Variants in OPCML observed in about 807,000 individuals in gnomAD.
OPCML encodes the protein opioid-binding protein/cell adhesion molecule.
OPCML carries 13 observed loss-of-function variants against 37.8 expected under a neutral mutation model. The observed-to-expected ratio is 0.34, with a 90% CI of 0.22 to 0.55. The LOEUF (loss-of-function observed/expected upper bound fraction) is 0.55, where lower values mean the gene tolerates loss of function less well. Among genes scored for constraint, OPCML ranks in the 20% least tolerant of loss-of-function variants. The probability of loss-of-function intolerance (pLI) is 0.91; values close to 1 mark genes in which losing one functional copy is unlikely to be tolerated. For synonymous variants in OPCML, 176 were observed against 168.8 expected (o/e 1.04, Z -0.33); for missense variants, 341 against 435.6 (o/e 0.78, Z 1.93).
intron 1 of OPCML, among the ~76,000 whole-genome samples, chr11:133,432,827 C>G (rs1451116584): frequency 6.6e-6 from 1 of 152,102 alleles, no homozygotes; most frequent in African/African-American, 2.4e-5. Flanking sequence ...GAGAGAGACA[C>G]AGCTGTTCGT....
intron 1 of OPCML, among the ~76,000 whole-genome samples, chr11:133,185,709 C>A (rs887236450): frequency 6.6e-6 from 1 of 152,110 alleles, no homozygotes; most frequent in Non-Finnish European, 1.5e-5. Flanking sequence ...ACAAAAAAAA[C>A]AACCGCTCAT....
chr11:132,813,089 TTC>T (rs1236156425), intron 2 of OPCML, among the ~76,000 whole-genome samples: 7 of 152,094 alleles, frequency 4.6e-5, no homozygotes, highest in Admixed American at 4.6e-4. Context: ...TTCAAATAGG[TTC>T]TCTTTTTTAA....
intron 2 of OPCML, among the ~76,000 whole-genome samples, chr11:132,809,123 A>G (rs1939182315): frequency 6.6e-6 from 1 of 152,196 alleles, no homozygotes; most frequent in South Asian, 2.1e-4. Context: ...GGAAAAACAG[A>G]AGCAGCAAAA....
chr11:133,178,918 A>T (rs1232512690), intron 1 of OPCML, among the ~76,000 whole-genome samples: 3 of 152,306 alleles, frequency 2.0e-5, no homozygotes, highest in Non-Finnish European at 4.4e-5. Flanking sequence ...TTTTGGATTT[A>T]TGATTGTTTT....
At chr11:132,836,942 G>A (rs1370077426) in intron 2 of OPCML, among the ~76,000 whole-genome samples, 1 of 152,122 alleles carries the variant, frequency 6.6e-6, no homozygotes, top group African/African-American at 2.4e-5. Context: ...TGCCAAAGGA[G>A]CCACAAGAAA....
intron 1 of OPCML, among the ~76,000 whole-genome samples, chr11:133,055,827 T>C (rs947017047): frequency 3.4e-5 from 5 of 145,266 alleles, no homozygotes; most frequent in African/African-American, 7.8e-5. Flanking sequence ...GTGGTGAGAC[T>C]CCATGAGGGA....
At chr11:132,454,232 G>T (rs929968281) in intron 4 of OPCML, among the ~76,000 whole-genome samples, 2 of 152,118 alleles carry the variant, frequency 1.3e-5, no homozygotes, top group Admixed American at 6.5e-5. Context: ...AGGATGAGAG[G>T]GTCACCTTTA....
intron 1 of OPCML, among the ~76,000 whole-genome samples, chr11:133,369,642 C>T (rs1014696555): frequency 1.1e-4 from 16 of 152,156 alleles, no homozygotes; most frequent in African/African-American, 3.9e-4. Context: ...TCCACAACTC[C>T]ATGCTGCACT....
intron 1 of OPCML, chr11:133,006,927 C>A (rs925955732): frequency 3.0e-6 from 3 of 985,430 alleles, no homozygotes; most frequent in Non-Finnish European, 3.6e-6. Context: ...GTGCTTGTGG[C>A]ATAAGCAGGA....
intron 1 of OPCML, among the ~76,000 whole-genome samples, chr11:133,136,154 T>A (rs1469070876): frequency 1.3e-5 from 2 of 152,072 alleles, no homozygotes; most frequent in Non-Finnish European, 2.9e-5. Flanking sequence ...CTAAGAAAAA[T>A]TAATAATGCA....
intron 4 of OPCML, among the ~76,000 whole-genome samples, chr11:132,528,584 C>T (rs1427316429): frequency 6.6e-6 from 1 of 152,188 alleles, no homozygotes; most frequent in African/African-American, 2.4e-5. Context: ...ATCCTTCTTC[C>T]ACTCAAGGTG....
chr11:133,492,698 C>A (rs1003757386), intron 1 of OPCML, among the ~76,000 whole-genome samples: 1 of 140,278 alleles, frequency 7.1e-6, no homozygotes, highest in Non-Finnish European at 1.5e-5. Context: ...AAGAGCTAAG[C>A]AGGCAATTAC....
chr11:132,977,568 T>A lies in OPCML; in HGVS notation c.62-34558A>T, dbSNP rs1254491997. On this transcript the variant is annotated intron_variant, in intron 1 of 7. Coordinates refer to ENST00000524381, the MANE Select transcript of OPCML (RefSeq NM_001012393.5). ...ATGTGGCCATATTTTTTTCATATTC[T>A]TATAAATACACTTTGGCAGAACCCC... 4.6e-5 allele frequency among the ~76,000 whole-genome samples: 7 copies of A among 152,242 alleles called. No homozygotes were observed. In the East Asian group the frequency reaches 1.3e-3, roughly 29 times the overall value.
intron 2 of OPCML, among the ~76,000 whole-genome samples, chr11:132,812,419 G>T (rs766198613): frequency 4.6e-5 from 7 of 152,046 alleles, no homozygotes; most frequent in Admixed American, 1.3e-4. Flanking sequence ...AAGAAATAGC[G>T]TTGACACTCA....
chr11:133,373,754 C>T (rs1417499086), intron 1 of OPCML, among the ~76,000 whole-genome samples: 2 of 152,046 alleles, frequency 1.3e-5, no homozygotes, highest in Non-Finnish European at 2.9e-5. Flanking sequence ...ATTAAATGTT[C>T]GGTGAATGTG....
At position 133,111,756 on chromosome 11, in the gene OPCML, T is replaced by C. The variant is rs59559214; in HGVS notation, c.62-168746A>G. The stretch of plus-strand genomic sequence containing the variant: ...AGGAAGGGTGTTTTGTTTTGTTGTT[T>C]GTAGGTGGGAGGAGAGTTGATCCTT... On this transcript the variant is annotated intron_variant, in intron 1 of 7. Coordinates refer to ENST00000524381, the MANE Select transcript of OPCML (RefSeq NM_001012393.5). Among the ~76,000 whole-genome samples, 441 of 152,292 alleles carry C rather than the reference T, an allele frequency of 2.9e-3. 5 individuals carry two copies. Among genetic ancestry groups the C allele is most frequent in the African/African-American group, 0.01 (426 of 41,556 alleles).
chr11:132,988,474 C>G (rs958386190), intron 1 of OPCML, among the ~76,000 whole-genome samples: 6 of 152,178 alleles, frequency 3.9e-5, no homozygotes, highest in Admixed American at 1.3e-4. Flanking sequence ...ATATAGTCCA[C>G]TTTCTGAGAA....
intron 3 of OPCML, among the ~76,000 whole-genome samples, chr11:132,535,531 G>T (rs539909147): frequency 1.3e-5 from 2 of 152,110 alleles, no homozygotes; most frequent in African/African-American, 4.8e-5. Flanking sequence ...ATGATACCTC[G>T]TATGTGATGG....
At chr11:132,569,800 TG>T (rs1419250174) in intron 3 of OPCML, among the ~76,000 whole-genome samples, 2 of 152,236 alleles carry the variant, frequency 1.3e-5, no homozygotes, top group Admixed American at 6.5e-5. Context: ...CCTAATACAA[TG>T]GTCTATTGCA....
Sources: allele counts gnomAD v4.1 joint callset (sites outside exome capture counted in the v4.1 genomes callset), GRCh38; gene constraint gnomAD v4.1.1; transcripts MANE v1.5; gene names NCBI Gene and HGNC (gene_info 2026-07-23, HGNC 2026-07-21).